The following CDH4 variants were observed in gnomAD, a reference collection of about 807,000 sequenced individuals.
CDH4 encodes cadherin 4.
In CDH4, 33 loss-of-function variants were observed where a neutral mutation model predicts 86.0. That is an observed-to-expected ratio of 0.38 (90% CI 0.29 to 0.51). CDH4 has a LOEUF of 0.51. Among genes scored for constraint, CDH4 ranks in the 20% least tolerant of loss-of-function variants. The pLI is 0.86. For synonymous variants in CDH4, 555 were observed against 549.4 expected, an observed-to-expected ratio of 1.01 and a Z score of -0.14; for missense variants, 1,114 against 1,307.4, an observed-to-expected ratio of 0.85 and a Z score of 2.28.
At chr20:61,456,181 C>T (rs186048029) in intron 2 of CDH4, among the ~76,000 whole-genome samples, 256 of 152,248 alleles carry the variant, frequency 1.7e-3, no homozygotes, top group African/African-American at 5.0e-3. Flanking sequence ...TAAATAACCT[C>T]TGTCTGCAAA....
chr20:61,797,316 C>A (rs1055945778), intron 4 of CDH4, among the ~76,000 whole-genome samples: 1 of 152,202 alleles, frequency 6.6e-6, no homozygotes, highest in Non-Finnish European at 1.5e-5. Context: ...GGAAGGCTCA[C>A]GCCATCCACT....
intron 2 of CDH4, among the ~76,000 whole-genome samples, chr20:61,335,177 T>G (rs1213539377): frequency 6.6e-6 from 1 of 152,194 alleles, no homozygotes; most frequent in Non-Finnish European, 1.5e-5. Context: ...GATGCCTTCC[T>G]TCTTGGCCCA....
At chr20:61,643,096 T>G (rs1260043180) in intron 2 of CDH4, among the ~76,000 whole-genome samples, 3 of 152,190 alleles carry the variant, frequency 2.0e-5, no homozygotes, top group African/African-American at 7.2e-5. Flanking sequence ...ATGAATGTCT[T>G]TCTTTTAGTT....
At chr20:61,797,641 G>T (rs1323485400) in intron 4 of CDH4, among the ~76,000 whole-genome samples, 1 of 151,578 alleles carries the variant, frequency 6.6e-6, no homozygotes, top group Non-Finnish European at 1.5e-5. Context: ...AAAAAAAATT[G>T]CCAGGCGTGG....
intron 3 of CDH4, among the ~76,000 whole-genome samples, chr20:61,753,005 A>G (rs1352429554): frequency 6.6e-6 from 1 of 152,130 alleles, no homozygotes; most frequent in Non-Finnish European, 1.5e-5. Flanking sequence ...TCTATTACTC[A>G]CAATTTAATT....
intron 2 of CDH4, among the ~76,000 whole-genome samples, chr20:61,443,427 CT>C (rs1457297249): frequency 6.6e-6 from 1 of 152,212 alleles, no homozygotes; most frequent in African/African-American, 2.4e-5. Flanking sequence ...AGTGAAGACA[CT>C]TCAAGGAGCC....
intron 2 of CDH4, among the ~76,000 whole-genome samples, chr20:61,631,086 C>T (rs1253075925): frequency 1.3e-5 from 2 of 152,218 alleles, no homozygotes. Context: ...CAGAGGTTCC[C>T]AGTGGTCTGC....
At chr20:61,626,278 A>G (rs2086829399) in intron 2 of CDH4, among the ~76,000 whole-genome samples, 1 of 152,032 alleles carries the variant, frequency 6.6e-6, no homozygotes, top group South Asian at 2.1e-4. Flanking sequence ...AGCAGAGGGA[A>G]TCAGCTGGAG....
chr20:61,546,022 ACGG>A, intron 2 of CDH4, among the ~76,000 whole-genome samples: 1 of 9,086 alleles, frequency 1.1e-4, no homozygotes, highest in African/African-American at 4.3e-4. Context: ...TATGTGGGAT[ACGG>A]TGTGTGTTCG....
intron 2 of CDH4, among the ~76,000 whole-genome samples, chr20:61,460,608 A>G (rs1466534852): frequency 6.6e-6 from 1 of 152,194 alleles, no homozygotes; most frequent in East Asian, 1.9e-4. Flanking sequence ...CGCCCTGTCC[A>G]GGTATGCACG....
intron 2 of CDH4, among the ~76,000 whole-genome samples, chr20:61,639,476 C>T (rs2086982554): frequency 6.6e-6 from 1 of 152,184 alleles, no homozygotes; most frequent in African/African-American, 2.4e-5. Flanking sequence ...ATGTTCAATG[C>T]TTACAGTTCC....
In CDH4 at chr20:61,393,781, A is replaced by G; in HGVS notation, c.169+138844A>G. Among the ~76,000 whole-genome samples the G allele has an allele frequency of 6.6e-6, 1 of 152,152 alleles. No individual in the cohort carries two copies. The highest frequency in any genetic ancestry group is 6.5e-5 in the Admixed American group (1 of 15,280). ...CACGAGTCCTGGAGACCGTGCAGTGAACTCTTACACCCCAGGGCTCAGTGT... is the reference window on the plus strand; with the variant it reads ...CACGAGTCCTGGAGACCGTGCAGTGGACTCTTACACCCCAGGGCTCAGTGT... On this transcript the variant is annotated intron_variant, in intron 2 of 15. Transcript: ENST00000614565. The surrounding 1 kb of genome is among the most constrained non-coding windows in gnomAD (Gnocchi z 4.3).
intron 2 of CDH4, among the ~76,000 whole-genome samples, chr20:61,590,458 C>T (rs1277326155): frequency 3.3e-5 from 5 of 152,216 alleles, no homozygotes; most frequent in Admixed American, 6.5e-5. Context: ...TCCCGATCTG[C>T]GACAGTCAGC....
intron 2 of CDH4, chr20:61,718,948 G>T (rs139300079): frequency 4.2e-6 from 2 of 471,006 alleles, no homozygotes; most frequent in Non-Finnish European, 8.8e-6. Flanking sequence ...GGTGAAGCAG[G>T]GGTCTTCTCT....
intron 4 of CDH4, among the ~76,000 whole-genome samples, chr20:61,840,427 GA>G (rs1314732731): frequency 6.6e-6 from 1 of 152,204 alleles, no homozygotes; most frequent in Middle Eastern, 3.2e-3. Flanking sequence ...CCTCCTGGGG[GA>G]GACTCTGCCA....
At chr20:61,366,726 T>G (rs2084812440) in intron 2 of CDH4, among the ~76,000 whole-genome samples, 1 of 152,220 alleles carries the variant, frequency 6.6e-6, no homozygotes, top group African/African-American at 2.4e-5. Context: ...CCGCCCTGGG[T>G]GGGCCAGGTG....
intron 2 of CDH4, among the ~76,000 whole-genome samples, chr20:61,356,160 C>T (rs1208979974): frequency 1.3e-5 from 2 of 152,176 alleles, no homozygotes; most frequent in South Asian, 2.1e-4. Flanking sequence ...CAGTGCTTTT[C>T]TATGAAGTGC....
At chr20:61,665,797 T>C (rs1284141417) in intron 2 of CDH4, among the ~76,000 whole-genome samples, 1 of 152,182 alleles carries the variant, frequency 6.6e-6, no homozygotes, top group East Asian at 1.9e-4. Flanking sequence ...TGGTGGCTGC[T>C]GCATGCACAG....
At position 61,863,083 on chromosome 20, in the gene CDH4, G is replaced by A. The variant is rs1249985052; in HGVS notation, c.877+10185G>A. Among the ~76,000 whole-genome samples the A allele has an allele frequency of 2.6e-5, 4 of 152,192 alleles. No homozygotes were observed. In the East Asian group the frequency reaches 7.7e-4, roughly 29 times the overall value. On this transcript the variant is annotated intron_variant, in intron 6 of 15. Transcript: ENST00000614565. ...ATTTGAACAGAAAGCCAATTATGGG[G>A]CTGAATTAGTTTTCAAATTAAACTG...
Sources: allele counts gnomAD v4.1 joint callset (sites outside exome capture counted in the v4.1 genomes callset), GRCh38; gene constraint gnomAD v4.1.1; non-coding constraint Gnocchi (gnomAD v3.1); transcripts MANE v1.5; gene names NCBI Gene and HGNC (gene_info 2026-07-23, HGNC 2026-07-21).